The following FMN1 variants were observed in gnomAD, a reference collection of about 807,000 sequenced individuals.
FMN1 encodes formin 1, also known as formin-1.
A neutral mutation model predicts 132.4 loss-of-function variants in FMN1; 110 were observed. The observed-to-expected ratio is 0.83, with a 90% CI of 0.71 to 0.97. The LOEUF (loss-of-function observed/expected upper bound fraction) is 0.97, where lower values mean the gene tolerates loss of function less well. Among genes scored for constraint, FMN1 ranks in the 50% least tolerant of loss-of-function variants. The pLI, the probability that FMN1 is intolerant of heterozygous loss-of-function variation, is 0.00. For synonymous variants in FMN1, 722 were observed against 651.7 expected (o/e 1.11, Z -1.64); for missense variants, 1,792 against 1,705.3 (o/e 1.05, Z -0.90).
chr15:32,820,306 G>A (rs927196671), intron 17 of FMN1, among the ~76,000 whole-genome samples: 4 of 152,152 alleles, frequency 2.6e-5, no homozygotes, highest in Admixed American at 6.6e-5. Flanking sequence ...GAAACTTTGC[G>A]TTAACAGACA....
intron 6 of FMN1, among the ~76,000 whole-genome samples, chr15:33,014,629 C>A (rs765519799): frequency 6.6e-6 from 1 of 152,076 alleles, no homozygotes; most frequent in African/African-American, 2.4e-5. Flanking sequence ...TGGCAGGATT[C>A]AACATTTTGG....
chr15:33,028,910 A>G (rs1402401581), intron 6 of FMN1, among the ~76,000 whole-genome samples: 1 of 152,224 alleles, frequency 6.6e-6, no homozygotes, highest in African/African-American at 2.4e-5. Context: ...ACAACAAGTC[A>G]TTTTCACTAG....
chr15:32,913,263 A>T (rs2060607219), intron 10 of FMN1, among the ~76,000 whole-genome samples: 1 of 152,212 alleles, frequency 6.6e-6, no homozygotes, highest in African/African-American at 2.4e-5. Flanking sequence ...AGTCTGTATT[A>T]TCATATTTTT....
intron 3 of FMN1, among the ~76,000 whole-genome samples, chr15:33,157,246 A>T (rs1964707888): frequency 6.9e-6 from 1 of 145,810 alleles, no homozygotes; most frequent in Admixed American, 7.0e-5. Context: ...GCCTGGTGAC[A>T]GAGTGAGACT....
chr15:32,936,762 C>G (rs1474809507), intron 9 of FMN1, among the ~76,000 whole-genome samples: 1 of 151,902 alleles, frequency 6.6e-6, no homozygotes, highest in Non-Finnish European at 1.5e-5. Context: ...TGAAGAAGAG[C>G]AAGAGGAGGA....
In FMN1 at chr15:33,126,719, G is replaced by A. The variant is rs577886889; in HGVS notation, c.1867+26329C>T. On this transcript the variant is annotated intron_variant, in intron 4 of 20. Transcript: ENST00000616417. ...CGAAGGCAATAAAAGAGCAATCTAC[G>A]CTACAGGCAGGCTGGAGCAGAAACT... Among the ~76,000 whole-genome samples the A allele has an allele frequency of 2.6e-5, 4 of 152,278 alleles. 1 individual carries two copies. The highest frequency in any genetic ancestry group is 4.2e-4 in the South Asian group (2 of 4,816).
chr15:32,876,759 C>T (rs2141409589), intron 16 of FMN1, among the ~76,000 whole-genome samples: 1 of 152,346 alleles, frequency 6.6e-6, no homozygotes, highest in Admixed American at 6.5e-5. Context: ...AGGGAAATTA[C>T]AGATGCTGTC....
chr15:32,999,704 T>A (rs976367695), intron 7 of FMN1, among the ~76,000 whole-genome samples: 38 of 152,214 alleles, frequency 2.5e-4, no homozygotes, highest in Non-Finnish European at 1.5e-4. Flanking sequence ...TGGCTGGTTC[T>A]TTGTCTTGCA....
intron 19 of FMN1, among the ~76,000 whole-genome samples, chr15:32,790,234 T>A (rs1007748302): frequency 6.6e-6 from 1 of 152,340 alleles, no homozygotes; most frequent in East Asian, 1.9e-4. Flanking sequence ...CCTCTTTATG[T>A]CTATGTAGCC....
chr15:33,113,597 C>G (rs1251414009), intron 4 of FMN1, among the ~76,000 whole-genome samples: 1 of 152,126 alleles, frequency 6.6e-6, no homozygotes, highest in African/African-American at 2.4e-5. Flanking sequence ...CAAAAATCAT[C>G]CAGTGTCAGT....
intron 2 of FMN1, among the ~76,000 whole-genome samples, chr15:33,180,745 T>TTTC (rs1965669932): frequency 8.1e-5 from 1 of 12,386 alleles, no homozygotes; most frequent in South Asian, 1.5e-3. Flanking sequence ...TCCTGCTGCC[T>TTTC]TTTTTTTTTT....
intron 4 of FMN1, among the ~76,000 whole-genome samples, chr15:33,123,004 G>A (rs925345126): frequency 4.6e-5 from 7 of 151,720 alleles, no homozygotes; most frequent in Admixed American, 2.0e-4. Context: ...AAGACAGGCC[G>A]AGAGAGGTTA....
chr15:32,840,692 G>A (rs932828497), intron 17 of FMN1, among the ~76,000 whole-genome samples: 10 of 152,146 alleles, frequency 6.6e-5, no homozygotes, highest in Non-Finnish European at 2.9e-5. Flanking sequence ...TGGATGATTA[G>A]CACAGGTGTC....
At chr15:33,057,978 A>G (rs1350121937) in intron 6 of FMN1, among the ~76,000 whole-genome samples, 1 of 152,142 alleles carries the variant, frequency 6.6e-6, no homozygotes, top group Admixed American at 6.5e-5. Context: ...TGCAAGTGAA[A>G]AGTATGATGG....
chr15:33,180,291 G>A (rs377177290), intron 2 of FMN1, 29 bp from the exon 3 acceptor site: 1 of 152,080 alleles, frequency 6.6e-6, no homozygotes, highest in Admixed American at 6.5e-5. Context: ...AAAAATCAAG[G>A]CTCACCTGAA....
chr15:33,066,367 A>G, intron 5 of FMN1: 1 of 738,772 alleles, frequency 1.4e-6, no homozygotes, highest in Non-Finnish European at 2.1e-6. Flanking sequence ...CATACTCCTT[A>G]CAGGACAATA....
intron 3 of FMN1, among the ~76,000 whole-genome samples, chr15:33,173,727 C>G (rs1040135044): frequency 1.3e-5 from 2 of 152,116 alleles, no homozygotes; most frequent in African/African-American, 2.4e-5. Flanking sequence ...TCAGGAGTTC[C>G]AGATCAGCCT....
chr15:33,092,980 C>T (rs1186185973), intron 4 of FMN1, among the ~76,000 whole-genome samples: 1 of 152,166 alleles, frequency 6.6e-6, no homozygotes, highest in East Asian at 1.9e-4. Flanking sequence ...AAGTTATTTA[C>T]CAGATATTGT....
At chr15:32,976,387 A>G (rs995731226) in intron 7 of FMN1, among the ~76,000 whole-genome samples, 4 of 152,176 alleles carry the variant, frequency 2.6e-5, no homozygotes, top group African/African-American at 9.7e-5. Context: ...TGGCGATTCT[A>G]TGGCTTTGGA....
Sources: allele counts gnomAD v4.1 joint callset (sites outside exome capture counted in the v4.1 genomes callset), GRCh38; gene constraint gnomAD v4.1.1; transcripts MANE v1.5; gene names NCBI Gene and HGNC (gene_info 2026-07-23, HGNC 2026-07-21).